The following MAGI2 variants were observed in gnomAD, a reference collection of about 807,000 sequenced individuals.
MAGI2 encodes the protein membrane-associated guanylate kinase, WW and PDZ domain-containing protein 2.
Under a neutral mutation model 133.3 loss-of-function variants are expected in MAGI2, and 35 were observed. The ratio of observed to expected loss-of-function variants is 0.26; its 90% CI spans 0.20 to 0.35. The LOEUF is 0.35. Ranked by LOEUF, MAGI2 falls within the 10% of genes least tolerant of loss-of-function variation. The pLI is 1.00. For missense variants in MAGI2, 1,636 were observed against 1,863.4 expected (o/e 0.88, Z 2.25); for synonymous variants, 729 against 710.6 (o/e 1.03, Z -0.41).
chr7:78,647,969 G>A (rs1203727095), intron 2 of MAGI2, among the ~76,000 whole-genome samples: 2 of 152,020 alleles, frequency 1.3e-5, no homozygotes, highest in African/African-American at 4.8e-5. Context: ...ACACAGGCAG[G>A]GGAACATTAC....
intron 6 of MAGI2, among the ~76,000 whole-genome samples, chr7:78,413,984 A>G (rs1798079908): frequency 6.6e-6 from 1 of 152,060 alleles, no homozygotes; most frequent in Non-Finnish European, 1.5e-5. Context: ...ATAATGGCAG[A>G]TTTTTAAGTT....
chr7:78,738,466 G>A (rs1822081552), intron 2 of MAGI2, among the ~76,000 whole-genome samples: 1 of 152,100 alleles, frequency 6.6e-6, no homozygotes, highest in South Asian at 2.1e-4. Flanking sequence ...GTCACATTAT[G>A]GTATTGATGC....
At chr7:78,561,841 A>G (rs1345500343) in intron 3 of MAGI2, among the ~76,000 whole-genome samples, 1 of 152,210 alleles carries the variant, frequency 6.6e-6, no homozygotes, top group Non-Finnish European at 1.5e-5. Context: ...GTAGCCTTAG[A>G]AAAGTAAGGG....
At chr7:79,103,824 C>T (rs912697979) in intron 1 of MAGI2, among the ~76,000 whole-genome samples, 5 of 152,006 alleles carry the variant, frequency 3.3e-5, no homozygotes, top group African/African-American at 1.2e-4. Flanking sequence ...CTCAGCCTCC[C>T]GAGTAGCTGG....
At chr7:78,213,382 T>C (rs951634192) in intron 10 of MAGI2, among the ~76,000 whole-genome samples, 3 of 152,194 alleles carry the variant, frequency 2.0e-5, no homozygotes, top group African/African-American at 7.2e-5. Context: ...CTTGACTCTT[T>C]TATTAGAGTC....
intron 2 of MAGI2, among the ~76,000 whole-genome samples, chr7:78,992,085 G>T (rs1805838982): frequency 1.3e-5 from 2 of 152,006 alleles, no homozygotes; most frequent in East Asian, 3.9e-4. Context: ...CAACTAATCT[G>T]GTCATTATTG....
chr7:78,595,224 C>A (rs1000082527), intron 3 of MAGI2, among the ~76,000 whole-genome samples: 5 of 152,050 alleles, frequency 3.3e-5, no homozygotes, highest in African/African-American at 1.2e-4. Flanking sequence ...ACTTTCCTCT[C>A]CCAAATTGTT....
At chr7:79,193,892 G>C (rs927579495) in intron 1 of MAGI2, among the ~76,000 whole-genome samples, 2 of 151,850 alleles carry the variant, frequency 1.3e-5, no homozygotes, top group African/African-American at 4.9e-5. Context: ...GGGAAGAAGA[G>C]GGCTTTGACA....
intron 1 of MAGI2, among the ~76,000 whole-genome samples, chr7:79,114,572 C>T (rs1011269067): frequency 6.6e-6 from 1 of 152,138 alleles, no homozygotes; most frequent in South Asian, 2.1e-4. Context: ...TAGCTTCTAC[C>T]GTGATCAAGT....
chr7:78,388,943 G>A (rs1213481417), intron 6 of MAGI2, among the ~76,000 whole-genome samples: 1 of 152,066 alleles, frequency 6.6e-6, no homozygotes, highest in Non-Finnish European at 1.5e-5. Flanking sequence ...CCTTGATCAG[G>A]TGACTTTTTC....
At chr7:79,079,831 T>C (rs1815880435) in intron 1 of MAGI2, among the ~76,000 whole-genome samples, 1 of 152,130 alleles carries the variant, frequency 6.6e-6, no homozygotes, top group Non-Finnish European at 1.5e-5. Context: ...CAGAAATGTA[T>C]GCTCGTTAAA....
Position 78,403,504 on chromosome 7 carries a change from GGTA to G in MAGI2, c.1046-34294_1046-34292del, listed in dbSNP as rs200484943. Among the ~76,000 whole-genome samples, 1,162 of 152,148 alleles carry G rather than the reference GGTA, an allele frequency of 7.6e-3. 35 individuals are homozygous for G. The highest frequency in any genetic ancestry group is 0.072 in the East Asian group (371 of 5,168). ...TAGCAGCATGATTTATAATCCTTTG[GGTA>G]TATACCCAGTAATTGGATGGCTGGG... On this transcript the variant is annotated intron_variant, in intron 6 of 21. Coordinates refer to ENST00000354212, the MANE Select transcript of MAGI2 (RefSeq NM_012301.4).
At chr7:78,702,457 T>C (rs530066259) in intron 2 of MAGI2, among the ~76,000 whole-genome samples, 22 of 152,120 alleles carry the variant, frequency 1.4e-4, no homozygotes, top group African/African-American at 4.6e-4. Flanking sequence ...AATAGAATAA[T>C]GTCTCATGTT....
At chr7:78,760,359 C>G (rs1398984689) in intron 2 of MAGI2, among the ~76,000 whole-genome samples, 1 of 109,484 alleles carries the variant, frequency 9.1e-6, no homozygotes, top group East Asian at 2.7e-4. Context: ...CTTTAATTCT[C>G]TCTTTTTTTT....
chr7:78,032,137 A>AT (rs968768300), intron 21 of MAGI2, among the ~76,000 whole-genome samples: 1 of 150,112 alleles, frequency 6.7e-6, no homozygotes, highest in South Asian at 2.1e-4. Flanking sequence ...TCCTTGCTAC[A>AT]TTTTTTTCTG....
chr7:78,411,688 G>A (rs550897857), intron 6 of MAGI2, among the ~76,000 whole-genome samples: 103 of 152,134 alleles, frequency 6.8e-4, no homozygotes, highest in African/African-American at 2.5e-3. Context: ...TTCCTGTGGA[G>A]CTTTAGCTGA....
At position 78,120,870 on chromosome 7, in the gene MAGI2, G is replaced by A. The variant is rs1050235473; in HGVS notation, c.3567+4824C>T. ...CAAAAAATTAGCCGGGCGTAGTGGC[G>A]GGCGCCTGTAGTCCCAGCTACTTGG... On this transcript the variant is annotated intron_variant, in intron 20 of 21. Coordinates refer to ENST00000354212, the MANE Select transcript of MAGI2 (RefSeq NM_012301.4). Among the ~76,000 whole-genome samples the A allele has an allele frequency of 4.0e-5, 6 of 149,210 alleles. No individual in the cohort carries two copies. In the East Asian group the frequency reaches 7.8e-4, roughly 19 times the overall value.
Position 79,310,027 on chromosome 7 carries a change from T to C in MAGI2, c.301+142993A>G, listed in dbSNP as rs183609021. Among the ~76,000 whole-genome samples the C allele has an allele frequency of 6.3e-3, 915 of 146,230 alleles. 4 individuals are homozygous for C. Among genetic ancestry groups the C allele is most frequent in the Non-Finnish European group, 0.011 (729 of 66,440 alleles). On this transcript the variant is annotated intron_variant, in intron 1 of 21. Coordinates refer to ENST00000354212, the MANE Select transcript of MAGI2 (RefSeq NM_012301.4). ...GAATGGAAAAAAAATTAGCTGAGTG[T>C]GGTAGTGCACTCCTGTAATCCCAGC...
At chr7:78,911,845 T>C (rs1377981825) in intron 2 of MAGI2, among the ~76,000 whole-genome samples, 1 of 151,804 alleles carries the variant, frequency 6.6e-6, no homozygotes, top group African/African-American at 2.4e-5. Context: ...TGTTCCTCTC[T>C]CTCCTCCAAC....
Sources: gnomAD v4.1 joint callset for allele counts (sites outside exome capture counted in the v4.1 genomes callset) on GRCh38, gnomAD v4.1.1 for gene constraint, MANE v1.5 for transcripts, NCBI Gene and HGNC (gene_info 2026-07-23, HGNC 2026-07-21) for gene names.